The following GPD1L variants were observed in gnomAD, a reference collection of about 807,000 sequenced individuals.
GPD1L encodes the protein glycerol-3-phosphate dehydrogenase 1 like.
Under a neutral mutation model 32.9 loss-of-function variants are expected in GPD1L, and 17 were observed. That is an observed-to-expected ratio of 0.52 (90% CI 0.35 to 0.78). GPD1L has a LOEUF of 0.78. GPD1L is among the 30% of genes least tolerant of loss of function. GPD1L has a pLI of 0.01. For missense variants in GPD1L, 361 were observed against 447.8 expected, an observed-to-expected ratio of 0.81 and a Z score of 1.75; for synonymous variants, 187 against 165.9, an observed-to-expected ratio of 1.13 and a Z score of -0.98.
At chr3:32,143,025 A>AT (rs1559577922) in intron 4 of GPD1L, among the ~76,000 whole-genome samples, 9 of 150,436 alleles carry the variant, frequency 6.0e-5, no homozygotes, top group Non-Finnish European at 7.4e-5. Flanking sequence ...GAAAAAAAAA[A>AT]ATTTTTTAAT....
rs183100475 is a variant in GPD1L, at chr3:32,132,799, T to G, written c.225+4546T>G. On this transcript the variant is annotated intron_variant, in intron 2 of 7. Coordinates refer to ENST00000282541, the MANE Select transcript of GPD1L (RefSeq NM_015141.4). The stretch of plus-strand genomic sequence containing the variant: ...GGAACCATGGGGGTACATAATAAAT[T>G]GATATTATTGGTGTTGTACTGGGGA... Among the ~76,000 whole-genome samples the G allele has an allele frequency of 7.9e-3, 1,207 of 152,208 alleles. 8 individuals carry two copies. Among genetic ancestry groups the G allele is most frequent in the Non-Finnish European group, 9.7e-3 (660 of 68,008 alleles).
intron 5 of GPD1L, among the ~76,000 whole-genome samples, chr3:32,156,375 T>C (rs888725458): frequency 3.9e-5 from 6 of 152,220 alleles, no homozygotes; most frequent in Non-Finnish European, 8.8e-5. Context: ...GCCTGCATCA[T>C]TTTTAGAGAA....
intron 5 of GPD1L, among the ~76,000 whole-genome samples, chr3:32,149,111 G>A (rs1192315612): frequency 2.0e-5 from 3 of 152,202 alleles, no homozygotes; most frequent in Non-Finnish European, 4.4e-5. Context: ...CCCAGACTGA[G>A]TGCAGTGGCA....
chr3:32,165,501 T>G (rs1701133821), intron 7 of GPD1L, among the ~76,000 whole-genome samples: 1 of 151,608 alleles, frequency 6.6e-6, no homozygotes, highest in Admixed American at 6.6e-5. Context: ...CCTCCAAGAT[T>G]TGACCAAGAG....
chr3:32,145,811 A>G (rs1291600202), intron 4 of GPD1L, among the ~76,000 whole-genome samples: 1 of 152,158 alleles, frequency 6.6e-6, no homozygotes, highest in African/African-American at 2.4e-5. Context: ...GAAAAGGGGA[A>G]CTCAGCTAAA....
At position 32,159,119 on chromosome 3, in the gene GPD1L, C is replaced by A. The variant is rs780358691; in HGVS notation, c.852+10C>A. ...CGCCAGAACTGGGAAGGTAGCCCCT[C>A]ACCTGCTCTCCCGCACCCCCTCCTT... On this transcript the variant is annotated intron_variant, in intron 6 of 7. Transcript: ENST00000282541. 1.3e-6 allele frequency: 2 copies of A among 1,598,198 alleles called. No individual in the cohort carries two copies. The highest frequency in any genetic ancestry group is 2.2e-5 in the South Asian group (2 of 90,752).
At chr3:32,119,863 C>T (rs1486939103) in intron 1 of GPD1L, among the ~76,000 whole-genome samples, 1 of 152,164 alleles carries the variant, frequency 6.6e-6, no homozygotes, top group Non-Finnish European at 1.5e-5. Flanking sequence ...TGTATTCTTC[C>T]TGGACCTCCG....
chr3:32,141,374 G>A (rs1374235680), intron 4 of GPD1L, among the ~76,000 whole-genome samples: 1 of 152,062 alleles, frequency 6.6e-6, no homozygotes. Flanking sequence ...TGATAATTTT[G>A]TTATATATCC....
rs144898603 is a variant in GPD1L at position 32,109,994 on chromosome 3, C to T, written c.47+3236C>T. Among the ~76,000 whole-genome samples, 861 of 152,328 alleles carry T rather than the reference C, an allele frequency of 5.7e-3. 11 individuals carry two copies. Among genetic ancestry groups the T allele is most frequent in the South Asian group, 7.5e-3 (36 of 4,828 alleles). On this transcript the variant is annotated intron_variant, in intron 1 of 7. Coordinates refer to ENST00000282541, the MANE Select transcript of GPD1L (RefSeq NM_015141.4). Reference sequence around the variant, plus strand: ...GTGCAGTGGCGCAATCTCAGCTCACCGCAAGCTTCGCCTCGCGGGTTCACG... The same window carrying T: ...GTGCAGTGGCGCAATCTCAGCTCACTGCAAGCTTCGCCTCGCGGGTTCACG...
chr3:32,158,386 G>A (rs1228084429), intron 5 of GPD1L: 1 of 193,454 alleles, frequency 5.2e-6, no homozygotes, highest in East Asian at 1.3e-4. Context: ...AGGTGGGCTG[G>A]AAGGGGTTCT....
chr3:32,149,118 G>T (rs1027198971), intron 5 of GPD1L, among the ~76,000 whole-genome samples: 1 of 152,194 alleles, frequency 6.6e-6, no homozygotes, highest in African/African-American at 2.4e-5. Flanking sequence ...TGAGTGCAGT[G>T]GCACAATCAT....
chr3:32,139,810 C>T (rs1700713343), intron 3 of GPD1L, among the ~76,000 whole-genome samples: 1 of 152,204 alleles, frequency 6.6e-6, no homozygotes, highest in Non-Finnish European at 1.5e-5. Flanking sequence ...GACAGCACAT[C>T]ACAGGTGAAT....
chr3:32,145,505 T>C (rs534889106), intron 4 of GPD1L, among the ~76,000 whole-genome samples: 1 of 152,202 alleles, frequency 6.6e-6, no homozygotes, highest in South Asian at 2.1e-4. Flanking sequence ...GAGTGTGCCT[T>C]CCCCTGCCCA....
intron 1 of GPD1L, among the ~76,000 whole-genome samples, chr3:32,125,059 A>G (rs891483037): frequency 2.6e-5 from 4 of 152,172 alleles, no homozygotes; most frequent in Non-Finnish European, 5.9e-5. Context: ...AATTATATAT[A>G]GAGAACAAAA....
chr3:32,158,807 A>C lies in GPD1L; in HGVS notation c.619-69A>C, dbSNP rs1057393467. 1.3e-5 allele frequency: 21 copies of C among 1,574,152 alleles called. No individual in the cohort carries two copies. The African/African-American group carries it at 2.8e-4, about 21-fold the overall frequency. ...GTCTGCCCCTGCCTCGGCATCCCCC[A>C]CCACCTCTGGCATCCATACCCGTGG... On this transcript the variant is annotated intron_variant, in intron 5 of 7. Transcript: ENST00000282541.
chr3:32,106,961 C>G lies in GPD1L; in HGVS notation c.47+203C>G. The G allele has an allele frequency of 2.3e-6, 1 of 436,164 alleles. No individual in the cohort carries two copies. The highest frequency in any genetic ancestry group is 8.3e-5 in the South Asian group (1 of 12,012). 27.0% of individuals were successfully genotyped at this position (436,164 alleles called of 1,614,324 possible). ...ACTCGCTCGGGAGGCGCTGGGCTCG[C>G]GTGCGTGCGGGGGACAGCGCGGAGA... is the stretch of plus-strand genomic sequence containing the variant. On this transcript the variant is annotated intron_variant, in intron 1 of 7. Coordinates refer to ENST00000282541, the MANE Select transcript of GPD1L (RefSeq NM_015141.4). This position sits in a 1 kb window ranked among gnomAD's most constrained non-coding sequence, Gnocchi z 4.0.
At chr3:32,150,444 T>G (rs1700898849) in intron 5 of GPD1L, among the ~76,000 whole-genome samples, 1 of 152,064 alleles carries the variant, frequency 6.6e-6, no homozygotes. Flanking sequence ...GCCTGATTTA[T>G]GTTATTGTTT....
intron 5 of GPD1L, 44 bp downstream of exon 5, chr3:32,146,778 G>A: frequency 9.2e-7 from 1 of 1,092,122 alleles, no homozygotes; most frequent in Non-Finnish European, 1.4e-6. Context: ...CAAGGCAAAT[G>A]TTAGCATCAT....
intron 7 of GPD1L, among the ~76,000 whole-genome samples, chr3:32,161,450 C>G (rs1460116208): frequency 6.6e-6 from 1 of 152,082 alleles, no homozygotes; most frequent in Non-Finnish European, 1.5e-5. Flanking sequence ...TGTGGTTGGA[C>G]TACTTTAATG....
Sources: allele counts gnomAD v4.1 joint callset (sites outside exome capture counted in the v4.1 genomes callset), GRCh38; gene constraint gnomAD v4.1.1; non-coding constraint Gnocchi (gnomAD v3.1); transcripts MANE v1.5; gene names NCBI Gene and HGNC (gene_info 2026-07-23, HGNC 2026-07-21).